Variants in AKAP7 observed in about 807,000 individuals in gnomAD.
AKAP7 encodes the protein A-kinase anchoring protein 7.
A neutral mutation model predicts 39.5 loss-of-function variants in AKAP7; 39 were observed. The observed-to-expected ratio is 0.99, with a 90% CI of 0.76 to 1.29. The LOEUF (loss-of-function observed/expected upper bound fraction) is 1.29. AKAP7 is among the 50% of genes most tolerant of loss of function. The pLI, the probability that AKAP7 is intolerant of heterozygous loss-of-function variation, is 0.00. For synonymous variants in AKAP7, 140 were observed against 139.1 expected (o/e 1.01, Z -0.05); for missense variants, 414 against 407.7 (o/e 1.02, Z -0.13).
At chr6:131,241,067 C>T (rs1811512774) in intron 7 of AKAP7, among the ~76,000 whole-genome samples, 1 of 152,188 alleles carries the variant, frequency 6.6e-6, no homozygotes, top group African/African-American at 2.4e-5. Flanking sequence ...TGGTTCCACC[C>T]AGATCTTATT....
At chr6:131,236,498 T>C (rs1811072728) in intron 7 of AKAP7, among the ~76,000 whole-genome samples, 1 of 152,252 alleles carries the variant, frequency 6.6e-6, no homozygotes, top group African/African-American at 2.4e-5. Context: ...CCTTTGGCAG[T>C]ATGGCCATTT....
At chr6:131,238,271 C>G (rs550000787) in intron 7 of AKAP7, among the ~76,000 whole-genome samples, 1 of 152,102 alleles carries the variant, frequency 6.6e-6, no homozygotes, top group African/African-American at 2.4e-5. Flanking sequence ...GTCTGAGAGA[C>G]AGTTTGTTAT....
At chr6:131,208,694 T>C (rs1808353420) in intron 6 of AKAP7, among the ~76,000 whole-genome samples, 1 of 152,224 alleles carries the variant, frequency 6.6e-6, no homozygotes, top group African/African-American at 2.4e-5. Flanking sequence ...CTTCTTAGGT[T>C]CTCTGAAATG....
chr6:131,175,784 A>T (rs2128249949), intron 5 of AKAP7, among the ~76,000 whole-genome samples: 1 of 152,298 alleles, frequency 6.6e-6, no homozygotes, highest in Admixed American at 6.5e-5. Flanking sequence ...CTTTCTGAGG[A>T]CACCGGGTCA....
intron 5 of AKAP7, among the ~76,000 whole-genome samples, chr6:131,176,285 GTT>G: frequency 7.0e-6 from 1 of 143,342 alleles, no homozygotes; most frequent in African/African-American, 2.5e-5. Context: ...GATCCTGTGT[GTT>G]TTTTTTTTTT....
chr6:131,193,391 A>G (rs1388943488), intron 5 of AKAP7, among the ~76,000 whole-genome samples: 3 of 152,120 alleles, frequency 2.0e-5, no homozygotes, highest in Admixed American at 6.6e-5. Context: ...TTATTTGTAT[A>G]TATTGAACCA....
Position 131,282,374 on chromosome 6 carries a change from T to A in AKAP7, c.*648T>A. On this transcript the variant is annotated 3_prime_UTR_variant, in exon 8 of 8. Coordinates refer to ENST00000431975, the MANE Select transcript of AKAP7 (RefSeq NM_016377.4). ...TCAGTATGCCATATTTAATGAAATG[T>A]TATTATATAATTTTTTTTTCTTAGG... is the stretch of plus-strand genomic sequence containing the variant. 1 of 1,440,284 alleles carries A rather than the reference T, an allele frequency of 6.9e-7. No individual in the cohort carries two copies. Among genetic ancestry groups the A allele is most frequent in the African/African-American group, 1.4e-5 (1 of 69,876 alleles). The allele number at this position is 1,440,284 out of a possible 1,614,324, so 89.2% of individuals were successfully genotyped here.
intron 6 of AKAP7, among the ~76,000 whole-genome samples, chr6:131,207,491 A>ATTTTTTTTTTTTTTTTTTTTTTTTTTT (rs531582478): frequency 3.8e-5 from 3 of 78,796 alleles, no homozygotes; most frequent in African/African-American, 5.0e-5. Context: ...GCTAATTAAA[A>ATTTTTTTTTTTTTTTTTTTTTTTTTTT]TTTTTTTTTT....
intron 7 of AKAP7, among the ~76,000 whole-genome samples, chr6:131,220,695 A>G (rs1407833429): frequency 6.6e-6 from 1 of 152,050 alleles, no homozygotes; most frequent in Non-Finnish European, 1.5e-5. Context: ...CCCTGTATCA[A>G]TTGTCTTTCT....
chr6:131,146,159 C>T (rs544936900), intron 2 of AKAP7, among the ~76,000 whole-genome samples: 23 of 152,068 alleles, frequency 1.5e-4, no homozygotes, highest in Non-Finnish European at 2.1e-4. Flanking sequence ...TATCACTGCC[C>T]CAAAGGAGCT....
chr6:131,247,612 G>A (rs752914295), intron 7 of AKAP7, among the ~76,000 whole-genome samples: 6 of 151,372 alleles, frequency 4.0e-5, no homozygotes, highest in South Asian at 4.2e-4. Context: ...GAGCCACCGC[G>A]CCTGGCCATA....
intron 7 of AKAP7, among the ~76,000 whole-genome samples, chr6:131,272,980 T>C (rs1473110635): frequency 6.6e-6 from 1 of 152,180 alleles, no homozygotes; most frequent in Non-Finnish European, 1.5e-5. Flanking sequence ...ACCTTTTAGT[T>C]CTATCAGTTT....
the AKAP7 span, among the ~76,000 whole-genome samples, chr6:131,126,701 G>A: frequency 0.44 from 66,952 of 151,984 alleles, 16,614 homozygotes; most frequent in Non-Finnish European, 0.56. Flanking sequence ...GGCGTGAATG[G>A]GCCACACTAC....
intron 5 of AKAP7, among the ~76,000 whole-genome samples, chr6:131,173,599 T>C (rs2128248152): frequency 6.6e-6 from 1 of 152,122 alleles, no homozygotes; most frequent in East Asian, 1.9e-4. Context: ...AGTCAAGGAG[T>C]ACTTAAAATC....
intron 5 of AKAP7, 45 bp from the exon 6 acceptor site, chr6:131,199,416 A>G (rs1167798782): frequency 7.6e-7 from 1 of 1,308,462 alleles, no homozygotes; most frequent in Non-Finnish European, 1.1e-6. Flanking sequence ...AAAAGAACTG[A>G]AAATACTGTA....
intron 5 of AKAP7, among the ~76,000 whole-genome samples, chr6:131,169,794 G>A (rs940918483): frequency 1.3e-5 from 2 of 152,098 alleles, no homozygotes; most frequent in Non-Finnish European, 2.9e-5. Context: ...CCTACATGCT[G>A]TGAGAAATTT....
chr6:131,156,966 G>A (rs747735080), intron 2 of AKAP7, among the ~76,000 whole-genome samples: 8 of 151,900 alleles, frequency 5.3e-5, no homozygotes, highest in South Asian at 2.1e-4. Flanking sequence ...TAGTAGAGAC[G>A]GGGTTTCACC....
chr6:131,175,059 A>G (rs1001896247), intron 5 of AKAP7, among the ~76,000 whole-genome samples: 2 of 152,232 alleles, frequency 1.3e-5, no homozygotes, highest in Admixed American at 6.5e-5. Context: ...AATATATACT[A>G]TATTCTTACG....
chr6:131,168,776 A>C (rs867733209), intron 4 of AKAP7, among the ~76,000 whole-genome samples: 3 of 152,108 alleles, frequency 2.0e-5, no homozygotes, highest in Non-Finnish European at 2.9e-5. Context: ...TCTTGTAGGT[A>C]CTCAGTTTTT....
Sources: allele counts gnomAD v4.1 joint callset (sites outside exome capture counted in the v4.1 genomes callset), GRCh38; gene constraint gnomAD v4.1.1; transcripts MANE v1.5; gene names NCBI Gene and HGNC (gene_info 2026-07-23, HGNC 2026-07-21).